Variants in OSMR observed in about 807,000 individuals in gnomAD.
OSMR encodes oncostatin-M-specific receptor subunit beta.
A neutral mutation model predicts 99.9 loss-of-function variants in OSMR; 81 were observed. That is an observed-to-expected ratio of 0.81 (90% CI 0.68 to 0.97). The LOEUF (loss-of-function observed/expected upper bound fraction) is 0.97, where lower values mean the gene tolerates loss of function less well. Among genes scored for constraint, OSMR ranks in the 50% least tolerant of loss-of-function variants. The pLI is 0.00. For missense variants in OSMR, 1,099 were observed against 1,153.4 expected, an observed-to-expected ratio of 0.95 and a Z score of 0.68; for synonymous variants, 406 against 410.4, an observed-to-expected ratio of 0.99 and a Z score of 0.13.
chr5:38,873,144 C>T (rs1742523625), intron 2 of OSMR, among the ~76,000 whole-genome samples: 2 of 152,226 alleles, frequency 1.3e-5, no homozygotes, highest in South Asian at 4.1e-4. Context: ...CTTTCTGTCT[C>T]TATGGTACTT....
At chr5:38,874,968 G>A (rs1336491818) in intron 2 of OSMR, among the ~76,000 whole-genome samples, 1 of 152,230 alleles carries the variant, frequency 6.6e-6, no homozygotes, top group East Asian at 1.9e-4. Context: ...AAAATAGCAT[G>A]TGCAGAATGG....
At chr5:38,944,995 C>T in exon 3 of OSMR, 2 of 1,613,414 alleles carry the variant, frequency 1.2e-6, no homozygotes, top group Non-Finnish European at 1.7e-6. Flanking sequence ...TCCCCGAAAA[C>T]TTAGAGGGAA....
chr5:38,904,283 G>A (rs573636538), intron 8 of OSMR, 70 bp from the exon 9 acceptor site: 1 of 1,556,628 alleles, frequency 6.4e-7, no homozygotes, highest in African/African-American at 1.4e-5. Flanking sequence ...TTTGTAATGG[G>A]ATGCACTCAC....
intron 7 of OSMR, among the ~76,000 whole-genome samples, chr5:38,890,213 C>T (rs994655051): frequency 2.6e-5 from 4 of 152,150 alleles, no homozygotes; most frequent in African/African-American, 9.7e-5. Flanking sequence ...CCAGAAGCAT[C>T]AGTATCACGT....
chr5:38,894,413 A>G (rs777958497), intron 7 of OSMR, among the ~76,000 whole-genome samples: 16 of 152,222 alleles, frequency 1.1e-4, no homozygotes, highest in Non-Finnish European at 2.1e-4. Flanking sequence ...AAAAAAAAAG[A>G]AAAAACAAGA....
intron 6 of OSMR, among the ~76,000 whole-genome samples, chr5:38,885,689 T>C (rs956321426): frequency 2.6e-5 from 4 of 152,208 alleles, no homozygotes; most frequent in Non-Finnish European, 5.9e-5. Flanking sequence ...ACATTTAGCA[T>C]AGCATGGTAA....
rs1394436259 is a variant in OSMR at position 38,935,556 on chromosome 5, T to C, written c.*2112T>C. On this transcript the variant is annotated 3_prime_UTR_variant, in exon 18 of 18. Coordinates refer to ENST00000274276, the MANE Select transcript of OSMR (RefSeq NM_003999.3). ...GACTGATTTGTACATATTTTTCATA[T>C]AGTTTTGTTTAAAAAATAATTCACG... 2.6e-5 allele frequency: 4 copies of C among 152,250 alleles called. No individual in the cohort carries two copies. The highest frequency in any genetic ancestry group is 1.9e-4 in the East Asian group (1 of 5,202). The allele number at this position is 152,250 out of a possible 1,614,324, so 9.4% of individuals were successfully genotyped here.
At chr5:38,904,731 CTTTCATT>C (rs1745119548) in intron 9 of OSMR, among the ~76,000 whole-genome samples, 1 of 152,142 alleles carries the variant, frequency 6.6e-6, no homozygotes, top group Non-Finnish European at 1.5e-5. Flanking sequence ...TCTCTCTTAC[CTTTCATT>C]TTCCCAAAAT....
chr5:38,869,687 G>A (rs993213763), intron 2 of OSMR, among the ~76,000 whole-genome samples: 5 of 152,164 alleles, frequency 3.3e-5, no homozygotes, highest in Non-Finnish European at 5.9e-5. Flanking sequence ...CCCAAGGGAA[G>A]ATATTTTGAG....
At position 38,891,662 on chromosome 5, in the gene OSMR, T is replaced by C. The variant is rs572810300; in HGVS notation, c.991+5472T>C. ...CCCACCTGCCCCTGCCCCAGGCCTCTGGACTAACAGAGAACTGCCTGGAGT... is the reference window on the plus strand; with the variant it reads ...CCCACCTGCCCCTGCCCCAGGCCTCCGGACTAACAGAGAACTGCCTGGAGT... On this transcript the variant is annotated intron_variant, in intron 7 of 17. Coordinates refer to ENST00000274276, the MANE Select transcript of OSMR (RefSeq NM_003999.3). Among the ~76,000 whole-genome samples the C allele has an allele frequency of 3.3e-5, 5 of 152,244 alleles. No homozygotes were observed. The South Asian group carries it at 1.0e-3, about 32-fold the overall frequency.
intron 3 of OSMR, among the ~76,000 whole-genome samples, chr5:38,876,745 A>G (rs1742872369): frequency 1.3e-5 from 2 of 152,162 alleles, no homozygotes; most frequent in Admixed American, 6.5e-5. Flanking sequence ...AAGATGTAAT[A>G]ATTTGGCAAC....
At chr5:38,906,410 A>T (rs1368565184) in intron 9 of OSMR, among the ~76,000 whole-genome samples, 1 of 152,208 alleles carries the variant, frequency 6.6e-6, no homozygotes. Context: ...TATGTGTATT[A>T]TAACCATGCT....
chr5:38,889,573 A>G (rs1018475573), intron 7 of OSMR, among the ~76,000 whole-genome samples: 4 of 152,058 alleles, frequency 2.6e-5, no homozygotes, highest in Non-Finnish European at 4.4e-5. Context: ...AATATCTTTT[A>G]TCACTTTTAC....
intron 17 of OSMR, 114 bp downstream of exon 17, chr5:38,932,649 A>G (rs1746809099): frequency 6.5e-7 from 1 of 1,549,708 alleles, no homozygotes; most frequent in Admixed American, 1.9e-5. Flanking sequence ...GCACAGTAAA[A>G]GCCATCTTTG....
intron 1 of OSMR, among the ~76,000 whole-genome samples, chr5:38,849,632 T>C (rs1328000785): frequency 7.9e-5 from 12 of 152,210 alleles, no homozygotes; most frequent in Non-Finnish European, 1.5e-5. Flanking sequence ...AAAATCCTAT[T>C]TTTAATTAAG....
At chr5:38,871,056 G>A (rs1056795696) in intron 2 of OSMR, among the ~76,000 whole-genome samples, 1 of 152,154 alleles carries the variant, frequency 6.6e-6, no homozygotes, top group Non-Finnish European at 1.5e-5. Context: ...TAGGAAGTGG[G>A]GAACAGAGGG....
At chr5:38,939,096 TGACA>T (rs1299859205), downstream of OSMR, 1 of 233,030 alleles carries the variant, frequency 4.3e-6, no homozygotes, top group South Asian at 1.8e-4. Flanking sequence ...ATAATTTGAA[TGACA>T]GACAATTTGG....
chr5:38,895,087 T>A (rs978073473), intron 7 of OSMR, among the ~76,000 whole-genome samples: 4 of 152,122 alleles, frequency 2.6e-5, no homozygotes, highest in African/African-American at 9.7e-5. Context: ...ATCTCTGTGA[T>A]GCAGCAAAAG....
intron 7 of OSMR, among the ~76,000 whole-genome samples, chr5:38,890,610 T>G (rs1744093338): frequency 6.6e-6 from 1 of 152,216 alleles, no homozygotes; most frequent in East Asian, 1.9e-4. Context: ...CTCTTTTTTT[T>G]TTTTTTGTCT....
Sources: gnomAD v4.1 joint callset for allele counts (sites outside exome capture counted in the v4.1 genomes callset) on GRCh38, gnomAD v4.1.1 for gene constraint, MANE v1.5 for transcripts, NCBI Gene and HGNC (gene_info 2026-07-23, HGNC 2026-07-21) for gene names.